The following CLU variants were observed in gnomAD, a reference collection of about 807,000 sequenced individuals.
CLU encodes the protein aging-associated protein 4.
Under a neutral mutation model 46.4 loss-of-function variants are expected in CLU, and 25 were observed. The ratio of observed to expected loss-of-function variants is 0.54; its 90% CI spans 0.39 to 0.75. The LOEUF is 0.75. CLU is among the 30% of genes least tolerant of loss of function. The pLI, the probability that CLU is intolerant of heterozygous loss-of-function variation, is 0.00. For missense variants in CLU, 504 were observed against 592.1 expected, an observed-to-expected ratio of 0.85 and a Z score of 1.54; for synonymous variants, 235 against 235.1, an observed-to-expected ratio of 1.00 and a Z score of 0.00.
intron 3 of CLU, chr8:27,608,639 A>G: frequency 1.8e-6 from 1 of 544,502 alleles, no homozygotes. Flanking sequence ...CCGCCACCCC[A>G]TCCAGAGCCT....
intron 2 of CLU, 117 bp downstream of exon 2, chr8:27,610,358 G>C (rs546302446): frequency 3.7e-4 from 321 of 869,164 alleles, no homozygotes; most frequent in Non-Finnish European, 5.3e-4. Context: ...CAGTGCACAA[G>C]ATAAAAACGG....
chr8:27,600,516 G>A (rs1157046142), intron 6 of CLU, among the ~76,000 whole-genome samples: 4 of 152,126 alleles, frequency 2.6e-5, no homozygotes, highest in African/African-American at 9.7e-5. Flanking sequence ...GAGCCACCAC[G>A]CCCAGCCTGA....
chr8:27,606,838 C>G (rs1468769685), intron 3 of CLU, among the ~76,000 whole-genome samples: 1 of 152,270 alleles, frequency 6.6e-6, no homozygotes, highest in Non-Finnish European at 1.5e-5. Context: ...TGACTACCCT[C>G]TCACTGAAGC....
Position 27,605,019 on chromosome 8 carries a change from T to C in CLU, c.734A>G (p.Gln245Arg). 6.2e-7 allele frequency: 1 copy of C among 1,614,060 alleles called. No individual in the cohort carries two copies. The highest frequency in any genetic ancestry group is 8.5e-7 in the Non-Finnish European group (1 of 1,180,008). Residue 245 changes from glutamine (Q) to arginine (R), a missense_variant, in exon 5 of 9, where the codon CAG becomes CGG. Physicochemically the swap from Gln to Arg is conservative, Grantham distance 43. Transcript: ENST00000316403. ...YEPLNFHAMF[Q>R]PFLEMIHEAQ... ...CTCGTGTATCATCTCAAGGAAGGGC[T>C]GGAACATGGCGTGGAAGTTCAGGGG... is the stretch of plus-strand genomic sequence containing the variant.
chr8:27,600,031 G>A (rs776276759), intron 6 of CLU, 22 bp from the exon 7 acceptor site: 14 of 1,580,548 alleles, frequency 8.9e-6, no homozygotes, highest in East Asian at 6.7e-5. Flanking sequence ...TGGAAGAAAC[G>A]CAAGTGAGAA....
Position 27,605,785 on chromosome 8 carries a change from C to G in CLU, c.418-450G>C, listed in dbSNP as rs9331910. 4.6e-3 allele frequency among the ~76,000 whole-genome samples: 697 copies of G among 152,184 alleles called. 3 individuals are homozygous for G. The highest frequency in any genetic ancestry group is 0.016 in the African/African-American group (662 of 41,506). ...GCATAGTGGCACACATCTATAATCC[C>G]AACAATTTGGGAGGCCAAGGTAGGA... On this transcript the variant is annotated intron_variant, in intron 4 of 8. Transcript: ENST00000316403.
Position 27,609,035 on chromosome 8 carries a change from A to G in CLU, c.149T>C (p.Val50Ala), listed in dbSNP as rs113632015. Residue 50 changes from valine (V) to alanine (A), a missense_variant, in exon 3 of 9, where the codon GTC (valine) becomes GCC (alanine). By Grantham distance (64) the Val-to-Ala change is moderately conservative (BLOSUM62 0). This residue lies in a region of CLU where 73 missense variants were observed against 91.2 expected (regional missense o/e 0.80). Transcript: ENST00000316403. ...AGTCTTTATCTGTTTCACCCCGTTG[A>G]CAGCATTTTGAATTTCCTTATTGAC... ...KYVNKEIQNAVNGVKQIKTLI... is the reference protein window; with the variant it reads ...KYVNKEIQNAANGVKQIKTLI... 6.2e-7 allele frequency: 1 copy of G among 1,614,124 alleles called. No homozygotes were observed. Among genetic ancestry groups the G allele is most frequent in the Non-Finnish European group, 8.5e-7 (1 of 1,179,968 alleles).
chr8:27,604,448 C>T (rs1481152047), intron 5 of CLU, 53 bp from the exon 6 acceptor site: 4 of 1,288,530 alleles, frequency 3.1e-6, no homozygotes, highest in Non-Finnish European at 4.5e-6. Flanking sequence ...CAGAGATGGA[C>T]TCCACTGATT....
chr8:27,613,115 A>G (rs1474519894), intron 1 of CLU, among the ~76,000 whole-genome samples: 4 of 152,108 alleles, frequency 2.6e-5, no homozygotes, highest in Non-Finnish European at 4.4e-5. Flanking sequence ...GGCAGGGCGC[A>G]TTGATTCACA....
intron 3 of CLU, chr8:27,608,669 T>G: frequency 1.7e-6 from 1 of 573,580 alleles, no homozygotes; most frequent in Non-Finnish European, 3.1e-6. Flanking sequence ...TAGCATGTGA[T>G]CAGGGCTTAG....
rs756544808 is a variant in CLU, at chr8:27,597,318, T to C, written c.*923A>G. On this transcript the variant is annotated 3_prime_UTR_variant, in exon 9 of 9. Coordinates refer to ENST00000316403, the MANE Select transcript of CLU (RefSeq NM_001831.4). The stretch of plus-strand genomic sequence containing the variant: ...AGACTGAGATTGGTACCACGGGTAG[T>C]CATGGCCACCTGCTGGCAGCGTAGG... The C allele has an allele frequency of 2.2e-6, 1 of 454,536 alleles. No homozygotes were observed. The highest frequency in any genetic ancestry group is 1.6e-5 in the South Asian group (1 of 64,478). 28.2% of individuals were successfully genotyped at this position (454,536 alleles called of 1,614,324 possible).
chr8:27,597,671 A>G lies in CLU; in HGVS notation c.*570T>C, dbSNP rs1030227603. 2.2e-6 allele frequency: 1 copy of G among 454,046 alleles called. No homozygotes were observed. The highest frequency in any genetic ancestry group is 2.0e-5 in the African/African-American group (1 of 50,000). 28.1% of individuals were successfully genotyped at this position (454,046 alleles called of 1,614,324 possible). A position where few individuals can be genotyped will look rare whatever the true frequency, so the allele number is the denominator to read the frequency against. On this transcript the variant is annotated 3_prime_UTR_variant, in exon 9 of 9. Transcript: ENST00000316403. The stretch of plus-strand genomic sequence containing the variant: ...TTAACTTTCAGTGTATTCCTTTAGG[A>G]GATTGTCGCACCTTGGTCAGAATAC...
chr8:27,613,809 C>T (rs529709321), intron 1 of CLU: 1 of 152,212 alleles, frequency 6.6e-6, no homozygotes, highest in Non-Finnish European at 1.5e-5. Context: ...TATAACTTAA[C>T]ATTTTCATGG....
chr8:27,611,329 T>C (rs1350221680), intron 1 of CLU: 7 of 455,664 alleles, frequency 1.5e-5, no homozygotes, highest in Non-Finnish European at 3.1e-5. Context: ...AGGAGCAGGC[T>C]TCCCAGAGAA....
rs754560272 is a variant in CLU at position 27,605,041 on chromosome 8, G to A, written c.712C>T (p.Leu238=). 1.9e-6 allele frequency: 3 copies of A among 1,614,010 alleles called. No individual in the cohort carries two copies. Among genetic ancestry groups the A allele is most frequent in the Non-Finnish European group, 2.5e-6 (3 of 1,180,036 alleles). Residue 238 remains leucine, a synonymous_variant, in exon 5 of 9, where the codon CTG becomes TTG. Transcript: ENST00000316403. Reference sequence around the variant, plus strand: ...GGCTGGAACATGGCGTGGAAGTTCAGGGGCTCGTACGGAGAGAAGGGCATC... The same window carrying A: ...GGCTGGAACATGGCGTGGAAGTTCAAGGGCTCGTACGGAGAGAAGGGCATC... ...SLMPFSPYEP[L]NFHAMFQPFL... is the part of the protein sequence containing the mutation.
rs763899849 is a variant in CLU, at chr8:27,604,902, A to G, written c.829+22T>C. On this transcript the variant is annotated intron_variant, in intron 5 of 8. Transcript: ENST00000316403. ...CATCTAACGAGTTGCTCAAAAGGCC[A>G]TGAGCTTCCACCCCTTCTCACCTCG... 7.4e-6 allele frequency: 12 copies of G among 1,613,904 alleles called. No homozygotes were observed. In the East Asian group the frequency reaches 2.0e-4, roughly 27 times the overall value.
chr8:27,598,026 T>C lies in CLU; in HGVS notation c.*215A>G, dbSNP rs1244073207. The C allele has an allele frequency of 2.9e-6, 2 of 698,120 alleles. No homozygotes were observed. The highest frequency in any genetic ancestry group is 2.7e-5 in the East Asian group (1 of 36,608). 43.2% of individuals were successfully genotyped at this position (698,120 alleles called of 1,614,324 possible). ...TCACAAGACAGTTTTATTGAATTAG[T>C]TGCATGCAGGAGCAATTCTGTTCTT... is the stretch of plus-strand genomic sequence containing the variant. On this transcript the variant is annotated 3_prime_UTR_variant, in exon 9 of 9. Transcript: ENST00000316403.
intron 2 of CLU, among the ~76,000 whole-genome samples, chr8:27,609,968 A>T (rs151081040): frequency 6.7e-6 from 1 of 149,348 alleles, no homozygotes; most frequent in East Asian, 2.1e-4. Flanking sequence ...TCTCAATAAA[A>T]TGGGGGGTGG....
intron 6 of CLU, among the ~76,000 whole-genome samples, chr8:27,600,241 T>G (rs1280990028): frequency 2.6e-5 from 4 of 152,164 alleles, no homozygotes; most frequent in Admixed American, 6.5e-5. Flanking sequence ...TTGTTTTTGT[T>G]TTTGTTTTTT....
Sources: gnomAD v4.1 joint callset for allele counts (sites outside exome capture counted in the v4.1 genomes callset) on GRCh38, gnomAD v4.1.1 for gene constraint, gnomAD v4.1.1 regional missense constraint, MANE v1.5 for transcripts, NCBI Gene and HGNC (gene_info 2026-07-23, HGNC 2026-07-21) for gene names.